Variants in FBXL17 observed in about 807,000 individuals in gnomAD.
FBXL17 encodes F-box/LRR-repeat protein 17.
Under a neutral mutation model 66.2 loss-of-function variants are expected in FBXL17, and 22 were observed. The observed-to-expected ratio is 0.33, with a 90% CI of 0.24 to 0.47. FBXL17 has a LOEUF of 0.47. FBXL17 is among the 20% of genes least tolerant of loss of function. FBXL17 has a pLI of 1.00. For missense variants in FBXL17, 878 were observed against 948.2 expected (o/e 0.93, Z 0.97); for synonymous variants, 474 against 400.5 (o/e 1.18, Z -2.19).
chr5:108,227,917 T>G (rs148107683), intron 4 of FBXL17, among the ~76,000 whole-genome samples: 4 of 152,138 alleles, frequency 2.6e-5, no homozygotes, highest in African/African-American at 4.8e-5. Context: ...AGAGGTTAAG[T>G]ACATGGTCAG....
At chr5:108,175,791 A>G (rs1282835955) in intron 6 of FBXL17, among the ~76,000 whole-genome samples, 1 of 152,202 alleles carries the variant, frequency 6.6e-6, no homozygotes. Context: ...GCATGTGTGT[A>G]CCTATCTTCT....
At chr5:107,969,461 A>G (rs1752285545) in intron 7 of FBXL17, among the ~76,000 whole-genome samples, 1 of 152,182 alleles carries the variant, frequency 6.6e-6, no homozygotes, top group Non-Finnish European at 1.5e-5. Flanking sequence ...CACCCAAATA[A>G]AGATATCTTT....
Position 108,381,165 on chromosome 5 carries a change from A to G in FBXL17, c.527T>C (p.Val176Ala). Residue 176 changes from valine to alanine, a missense_variant, in exon 1 of 9, where the codon GTG becomes GCG. Physicochemically the swap from Val to Ala is moderately conservative, Grantham distance 64. Transcript: ENST00000542267. ...PVRFLGPPAA[V>A]QLFRGPTPSP... is the part of the protein sequence containing the mutation. ...CGGTGTCGGCCCCCGGAAGAGCTGC[A>G]CGGCGGCGGGCGGCCCCAGGAAGCG... 7.0e-7 allele frequency: 1 copy of G among 1,426,590 alleles called. No homozygotes were observed. The highest frequency in any genetic ancestry group is 1.9e-4 in the Middle Eastern group (1 of 5,180). 88.4% of individuals were successfully genotyped at this position (1,426,590 alleles called of 1,614,324 possible). A position where few individuals can be genotyped will look rare whatever the true frequency, so the allele number is the denominator to read the frequency against.
At chr5:108,215,700 G>A (rs1424654930) in intron 5 of FBXL17, among the ~76,000 whole-genome samples, 1 of 152,004 alleles carries the variant, frequency 6.6e-6, no homozygotes, top group Non-Finnish European at 1.5e-5. Context: ...ATTTTTAATT[G>A]TGATAAAGTA....
chr5:108,069,709 C>A (rs528018037), intron 6 of FBXL17, among the ~76,000 whole-genome samples: 18 of 152,182 alleles, frequency 1.2e-4, no homozygotes, highest in Non-Finnish European at 1.9e-4. Flanking sequence ...AACGTCTTAA[C>A]TTTTCTTGGT....
intron 5 of FBXL17, among the ~76,000 whole-genome samples, chr5:108,215,394 T>G (rs1321742570): frequency 1.3e-5 from 2 of 152,220 alleles, no homozygotes; most frequent in African/African-American, 4.8e-5. Flanking sequence ...CTTTTTTTAT[T>G]ACAACCATCC....
Position 108,193,327 on chromosome 5 carries a change from G to A in FBXL17, c.1615-7080C>T, listed in dbSNP as rs141029022. Among the ~76,000 whole-genome samples, 276 of 152,296 alleles carry A rather than the reference G, an allele frequency of 1.8e-3. 1 individual carries two copies. The highest frequency in any genetic ancestry group is 6.4e-3 in the African/African-American group (268 of 41,564). On this transcript the variant is annotated intron_variant, in intron 5 of 8. Coordinates refer to ENST00000542267, the MANE Select transcript of FBXL17 (RefSeq NM_001163315.3). ...AGAGAAAGGCAGTTATAAGAAAACT[G>A]GGAAGAGCTTCCTATTAAAGACAGG...
At chr5:108,207,930 C>T (rs183921143) in intron 5 of FBXL17, among the ~76,000 whole-genome samples, 210 of 151,996 alleles carry the variant, frequency 1.4e-3, no homozygotes, top group Non-Finnish European at 2.1e-3. Flanking sequence ...ACACTCCTAC[C>T]GAGTGTTGTA....
At chr5:108,284,228 A>G (rs1043551532) in intron 4 of FBXL17, among the ~76,000 whole-genome samples, 2 of 151,938 alleles carry the variant, frequency 1.3e-5, no homozygotes, top group African/African-American at 2.4e-5. Flanking sequence ...ATCTGCATTC[A>G]TAAGTTTACT....
Position 108,038,526 on chromosome 5 carries a change from A to G in FBXL17, c.1746-17525T>C, listed in dbSNP as rs142834040. On this transcript the variant is annotated intron_variant, in intron 6 of 8. Coordinates refer to ENST00000542267, the MANE Select transcript of FBXL17 (RefSeq NM_001163315.3). ...ATGTGTTTGAAACTTTCCACAATAAATGTGAAATTTCACAAATTCATTATC... is the reference window on the plus strand; with the variant it reads ...ATGTGTTTGAAACTTTCCACAATAAGTGTGAAATTTCACAAATTCATTATC... Among the ~76,000 whole-genome samples the G allele has an allele frequency of 4.6e-3, 695 of 152,208 alleles. 4 individuals are homozygous for G. Among genetic ancestry groups the G allele is most frequent in the African/African-American group, 0.016 (671 of 41,558 alleles).
chr5:108,343,739 C>A (rs1420975740), intron 4 of FBXL17, among the ~76,000 whole-genome samples: 4 of 152,072 alleles, frequency 2.6e-5, no homozygotes, highest in Non-Finnish European at 5.9e-5. Flanking sequence ...CACCTAACTG[C>A]TACAACAGCC....
chr5:107,890,526 T>A (rs781660595), intron 7 of FBXL17, among the ~76,000 whole-genome samples: 22 of 151,782 alleles, frequency 1.4e-4, no homozygotes, highest in Non-Finnish European at 2.9e-4. Flanking sequence ...AAGCTGGGTG[T>A]GGTGATGTGC....
intron 4 of FBXL17, among the ~76,000 whole-genome samples, chr5:108,238,625 C>T (rs1755712516): frequency 6.6e-6 from 1 of 152,138 alleles, no homozygotes; most frequent in African/African-American, 2.4e-5. Flanking sequence ...ATCCTCCCAC[C>T]TCACCCTTTC....
chr5:108,355,471 CG>C (rs1335248869), intron 3 of FBXL17, among the ~76,000 whole-genome samples: 1 of 151,780 alleles, frequency 6.6e-6, no homozygotes, highest in African/African-American at 2.4e-5. Context: ...TTAGTAGAGA[CG>C]GGGTTTTGCC....
intron 4 of FBXL17, chr5:108,299,744 G>C (rs1041411256): frequency 2.0e-6 from 2 of 984,904 alleles, no homozygotes; most frequent in Admixed American, 1.2e-4. Context: ...CACTCTGCAG[G>C]AGCTGATTGA....
chr5:107,970,946 T>G (rs1752348498), intron 7 of FBXL17, among the ~76,000 whole-genome samples: 1 of 152,284 alleles, frequency 6.6e-6, no homozygotes, highest in South Asian at 2.1e-4. Context: ...TATGTAAAAT[T>G]ATGATATGCC....
At chr5:108,031,427 G>A (rs1358868653) in intron 6 of FBXL17, among the ~76,000 whole-genome samples, 1 of 151,984 alleles carries the variant, frequency 6.6e-6, no homozygotes, top group Admixed American at 6.6e-5. Flanking sequence ...CCACAAGTGG[G>A]ATAAAATTTC....
At chr5:107,918,139 A>C (rs958702067) in intron 7 of FBXL17, among the ~76,000 whole-genome samples, 1 of 152,164 alleles carries the variant, frequency 6.6e-6, no homozygotes, top group Non-Finnish European at 1.5e-5. Context: ...ACCCTCAGGA[A>C]TGCAGGCAGC....
chr5:108,025,629 C>T lies in FBXL17; in HGVS notation c.1746-4628G>A, dbSNP rs186785957. Among the ~76,000 whole-genome samples the T allele has an allele frequency of 3.4e-3, 516 of 151,508 alleles. 5 individuals carry two copies. Among genetic ancestry groups the T allele is most frequent in the African/African-American group, 0.012 (482 of 41,232 alleles). On this transcript the variant is annotated intron_variant, in intron 6 of 8. Transcript: ENST00000542267. ...GAAACTAAACAAGCCAAGAATCCAA[C>T]CTATGTTACATAGATGGTAAGTGGG...
Sources: allele counts gnomAD v4.1 joint callset (sites outside exome capture counted in the v4.1 genomes callset), GRCh38; gene constraint gnomAD v4.1.1; transcripts MANE v1.5; gene names NCBI Gene and HGNC (gene_info 2026-07-23, HGNC 2026-07-21).